Variants in RAB3IP observed in about 807,000 individuals in gnomAD.
The protein encoded by RAB3IP is rab-3A-interacting protein.
A neutral mutation model predicts 59.1 loss-of-function variants in RAB3IP; 36 were observed. The ratio of observed to expected loss-of-function variants is 0.61; its 90% CI spans 0.47 to 0.80. RAB3IP has a LOEUF of 0.80. RAB3IP is among the 30% of genes least tolerant of loss of function. The probability of loss-of-function intolerance (pLI) is 0.00; values close to 1 mark genes in which losing one functional copy is unlikely to be tolerated. For missense variants in RAB3IP, 511 were observed against 536.0 expected, an observed-to-expected ratio of 0.95 and a Z score of 0.46; for synonymous variants, 207 against 191.2, an observed-to-expected ratio of 1.08 and a Z score of -0.68.
At chr12:69,754,144 T>C (rs997386904) in intron 1 of RAB3IP, among the ~76,000 whole-genome samples, 3 of 152,278 alleles carry the variant, frequency 2.0e-5, no homozygotes, top group East Asian at 1.9e-4. Context: ...TTAAGGCTTA[T>C]AGAAATGAAA....
chr12:69,811,449 T>C (rs1420483295), intron 8 of RAB3IP, among the ~76,000 whole-genome samples: 1 of 152,236 alleles, frequency 6.6e-6, no homozygotes, highest in Admixed American at 6.5e-5. Context: ...AAAGCCACCT[T>C]ACCAGATCCC....
At chr12:69,794,030 T>C (rs951276321) in intron 4 of RAB3IP, among the ~76,000 whole-genome samples, 4 of 152,212 alleles carry the variant, frequency 2.6e-5, no homozygotes, top group Admixed American at 6.5e-5. Flanking sequence ...TGCAACATTA[T>C]TGGTGTGTTA....
intron 1 of RAB3IP, among the ~76,000 whole-genome samples, chr12:69,742,751 G>T (rs1257427852): frequency 1.3e-5 from 2 of 152,146 alleles, no homozygotes; most frequent in African/African-American, 4.8e-5. Context: ...TTATACAACT[G>T]GGAGCATTAA....
intron 8 of RAB3IP, among the ~76,000 whole-genome samples, chr12:69,810,989 A>G (rs1036414134): frequency 1.3e-5 from 2 of 152,206 alleles, no homozygotes; most frequent in Non-Finnish European, 2.9e-5. Context: ...TGTCCAGTTT[A>G]CAAAATAGCT....
At chr12:69,781,484 C>G (rs755923665) in intron 3 of RAB3IP, among the ~76,000 whole-genome samples, 4 of 152,136 alleles carry the variant, frequency 2.6e-5, no homozygotes, top group Non-Finnish European at 4.4e-5. Flanking sequence ...TAGTATCTTA[C>G]AGAATAGTTT....
chr12:69,810,060 G>T (rs760521029), intron 8 of RAB3IP, among the ~76,000 whole-genome samples: 2 of 152,120 alleles, frequency 1.3e-5, no homozygotes, highest in Non-Finnish European at 2.9e-5. Flanking sequence ...TGATGGTGAC[G>T]TACAGATGGG....
intron 8 of RAB3IP, among the ~76,000 whole-genome samples, chr12:69,802,020 T>C (rs1315197929): frequency 6.7e-6 from 1 of 148,530 alleles, no homozygotes; most frequent in East Asian, 2.1e-4. Flanking sequence ...TACAGTAATA[T>C]ACATATATGA....
At chr12:69,745,300 TTTA>T (rs143237527) in intron 1 of RAB3IP, among the ~76,000 whole-genome samples, 5,078 of 152,296 alleles carry the variant, frequency 0.033, 108 homozygotes, top group Non-Finnish European at 0.048. Context: ...ATTTCCTGCT[TTTA>T]TTATTACAAA....
chr12:69,738,539 A>T (rs1156517650), upstream of RAB3IP: 2 of 152,172 alleles, frequency 1.3e-5, no homozygotes, highest in East Asian at 3.9e-4. Flanking sequence ...AGAGCCCAAC[A>T]TGCTTGAAGT....
intron 3 of RAB3IP, among the ~76,000 whole-genome samples, chr12:69,757,166 C>T (rs1870365473): frequency 1.3e-5 from 2 of 152,092 alleles, no homozygotes; most frequent in Admixed American, 1.3e-4. Context: ...AACTTGTGGC[C>T]ATATCTTATT....
intron 4 of RAB3IP, among the ~76,000 whole-genome samples, chr12:69,789,659 A>G (rs2136217772): frequency 6.6e-6 from 1 of 152,280 alleles, no homozygotes; most frequent in Non-Finnish European, 1.5e-5. Context: ...CAATATTCTC[A>G]ATGGACATAG....
chr12:69,814,002 TTAACC>T (rs1055818994), intron 10 of RAB3IP, among the ~76,000 whole-genome samples: 3 of 152,170 alleles, frequency 2.0e-5, no homozygotes, highest in African/African-American at 4.8e-5. Context: ...ATAAAACCTG[TTAACC>T]TAATAACCTG....
chr12:69,794,377 A>G (rs1470368479), intron 4 of RAB3IP, 60 bp from the exon 5 acceptor site: 2 of 1,405,522 alleles, frequency 1.4e-6, no homozygotes, highest in Non-Finnish European at 2.0e-6. Flanking sequence ...ACATTTGGCA[A>G]GAACTTTTTG....
rs755138496 is a variant in RAB3IP at position 69,755,624 on chromosome 12, C to G, written c.216C>G (p.Pro72=). 6.2e-7 allele frequency: 1 copy of G among 1,613,854 alleles called. No individual in the cohort carries two copies. Among genetic ancestry groups the G allele is most frequent in the Non-Finnish European group, 8.5e-7 (1 of 1,179,824 alleles). The change falls in exon 2 of 11, where the codon CCC becomes CCG. Residue 72 remains proline, a synonymous_variant. Coordinates refer to ENST00000247833, the MANE Select transcript of RAB3IP (RefSeq NM_022456.5). ...ELPTQPVYSS[P]RRLNCAEISS... is the part of the protein sequence containing the mutation. ...CTACACAACCCGTGTATTCATCCCCCAGACGTTTAAATTGTGCGGAAATAT... is the reference window on the plus strand; with the variant it reads ...CTACACAACCCGTGTATTCATCCCCGAGACGTTTAAATTGTGCGGAAATAT...
intron 1 of RAB3IP, among the ~76,000 whole-genome samples, chr12:69,753,530 G>A (rs191600059): frequency 1.1e-3 from 164 of 152,098 alleles, no homozygotes; most frequent in African/African-American, 3.5e-3. Flanking sequence ...TGTATTTTTA[G>A]TAGAGACAGG....
intron 6 of RAB3IP, 59 bp downstream of exon 6, chr12:69,795,403 G>A: frequency 2.2e-6 from 3 of 1,391,942 alleles, no homozygotes; most frequent in Non-Finnish European, 2.0e-6. Context: ...TCTCATCACT[G>A]AGGTGTCAGT....
intron 3 of RAB3IP, among the ~76,000 whole-genome samples, chr12:69,780,639 A>G (rs929495903): frequency 6.6e-6 from 1 of 152,124 alleles, no homozygotes; most frequent in African/African-American, 2.4e-5. Context: ...ATATGGGTAA[A>G]TCTTCTTCTG....
chr12:69,813,103 A>G, intron 10 of RAB3IP, 70 bp downstream of exon 10: 2 of 1,104,332 alleles, frequency 1.8e-6, no homozygotes, highest in Admixed American at 4.1e-5. Flanking sequence ...AAGTTCAACA[A>G]AAAGTATAGA....
chr12:69,755,625 A>C lies in RAB3IP; in HGVS notation c.217A>C (p.Arg73=). The change falls in exon 2 of 11, where the codon AGA becomes CGA. Residue 73 remains arginine, a synonymous_variant. Coordinates refer to ENST00000247833, the MANE Select transcript of RAB3IP (RefSeq NM_022456.5). ...TACACAACCCGTGTATTCATCCCCC[A>C]GACGTTTAAATTGTGCGGAAATATC... is the stretch of plus-strand genomic sequence containing the variant. ...LPTQPVYSSP[R]RLNCAEISSI... 5 of 1,613,860 alleles carry C rather than the reference A, an allele frequency of 3.1e-6. No homozygotes were observed. The highest frequency in any genetic ancestry group is 4.2e-6 in the Non-Finnish European group (5 of 1,179,848).
Sources: gnomAD v4.1 joint callset for allele counts (sites outside exome capture counted in the v4.1 genomes callset) on GRCh38, gnomAD v4.1.1 for gene constraint, MANE v1.5 for transcripts, NCBI Gene and HGNC (gene_info 2026-07-23, HGNC 2026-07-21) for gene names.